The following PPFIA1 variants were observed in gnomAD, a reference collection of about 807,000 sequenced individuals.
The protein encoded by PPFIA1 is PPFI scaffold protein A1, also known as liprin-alpha-1.
Under a neutral mutation model 149.9 loss-of-function variants are expected in PPFIA1, and 25 were observed. The ratio of observed to expected loss-of-function variants is 0.17; its 90% CI spans 0.12 to 0.23. The LOEUF (loss-of-function observed/expected upper bound fraction) is 0.23. Among genes scored for constraint, PPFIA1 ranks in the 10% least tolerant of loss-of-function variants. The pLI is 1.00. For synonymous variants in PPFIA1, 549 were observed against 552.8 expected, an observed-to-expected ratio of 0.99 and a Z score of 0.10; for missense variants, 1,362 against 1,506.5, an observed-to-expected ratio of 0.90 and a Z score of 1.59.
At chr11:70,329,758 A>G (rs554502673) in intron 7 of PPFIA1, 8 of 155,846 alleles carry the variant, frequency 5.1e-5, no homozygotes, top group South Asian at 2.0e-4. Context: ...TAAGACCTCT[A>G]TTTCTACAAA....
intron 2 of PPFIA1, among the ~76,000 whole-genome samples, chr11:70,296,850 A>G (rs2052079611): frequency 6.6e-6 from 1 of 151,972 alleles, no homozygotes; most frequent in African/African-American, 2.4e-5. Context: ...GTGGTGTGAT[A>G]TTGAGGTTGT....
intron 21 of PPFIA1, among the ~76,000 whole-genome samples, chr11:70,369,531 G>GTTAT (rs111747405): frequency 3.3e-5 from 5 of 151,588 alleles, no homozygotes; most frequent in Admixed American, 6.6e-5. Context: ...TAGAATCGTG[G>GTTAT]TTATTTATTT....
intron 2 of PPFIA1, among the ~76,000 whole-genome samples, chr11:70,281,315 C>T (rs181238403): frequency 6.6e-6 from 1 of 152,264 alleles, no homozygotes; most frequent in African/African-American, 2.4e-5. Context: ...CCTGGGTGAC[C>T]AGAGGCTGGG....
intron 15 of PPFIA1, among the ~76,000 whole-genome samples, chr11:70,344,589 G>A (rs894381811): frequency 6.6e-6 from 1 of 152,228 alleles, no homozygotes; most frequent in Non-Finnish European, 1.5e-5. Flanking sequence ...GTGTAGTGAC[G>A]TTTAAAAGTG....
intron 2 of PPFIA1, among the ~76,000 whole-genome samples, chr11:70,294,960 A>G (rs898554131): frequency 2.0e-5 from 3 of 152,034 alleles, no homozygotes; most frequent in African/African-American, 7.3e-5. Flanking sequence ...ACTTCTTTCC[A>G]CACAGACATG....
Position 70,372,340 on chromosome 11 carries a change from G to A in PPFIA1, c.2991G>A (p.Leu997=). The change falls in exon 22 of 28, where the codon TTG becomes TTA. Residue 997 remains leucine, a synonymous_variant. Transcript: ENST00000253925. The stretch of plus-strand genomic sequence containing the variant: ...TAGACGCCAGGATGCTGGACCACTT[G>A]ACCAAGAAAGACCTTCGAGGGCAGC... ...CLVDARMLDH[L]TKKDLRGQLK... is the part of the protein sequence containing the mutation. 6.2e-7 allele frequency: 1 copy of A among 1,614,200 alleles called. No homozygotes were observed. The highest frequency in any genetic ancestry group is 8.5e-7 in the Non-Finnish European group (1 of 1,180,050).
At chr11:70,368,057 G>A (rs2057041735) in intron 21 of PPFIA1, among the ~76,000 whole-genome samples, 1 of 152,146 alleles carries the variant, frequency 6.6e-6, no homozygotes, top group Non-Finnish European at 1.5e-5. Flanking sequence ...AAAATCGCTT[G>A]AGCCCGGAAA....
intron 19 of PPFIA1, among the ~76,000 whole-genome samples, chr11:70,360,906 A>G (rs564618896): frequency 5.3e-4 from 80 of 152,368 alleles, no homozygotes; most frequent in African/African-American, 1.9e-3. Flanking sequence ...TGTCCTCTCC[A>G]TTACAATGAC....
chr11:70,325,350 G>A (rs2054198618), intron 4 of PPFIA1, 150 bp from the exon 5 acceptor site: 2 of 481,824 alleles, frequency 4.2e-6, no homozygotes, highest in South Asian at 4.9e-5. Flanking sequence ...TTTCTTGACA[G>A]TAAGATCAAT....
At chr11:70,304,587 C>G (rs1486042668) in intron 2 of PPFIA1, among the ~76,000 whole-genome samples, 2 of 152,162 alleles carry the variant, frequency 1.3e-5, no homozygotes, top group Non-Finnish European at 2.9e-5. Flanking sequence ...TGATTCATAG[C>G]TGGTTGGTCA....
intron 2 of PPFIA1, among the ~76,000 whole-genome samples, chr11:70,310,365 A>G (rs903474243): frequency 2.0e-5 from 3 of 148,596 alleles, no homozygotes; most frequent in Admixed American, 6.7e-5. Context: ...GGCACAGTGC[A>G]TTTTTATTTC....
intron 2 of PPFIA1, among the ~76,000 whole-genome samples, chr11:70,281,761 G>T (rs2050772645): frequency 6.6e-6 from 1 of 152,184 alleles, no homozygotes; most frequent in Admixed American, 6.5e-5. Context: ...ACTCACCTCA[G>T]TGGGCCTCTC....
chr11:70,311,737 A>G (rs911799734), intron 2 of PPFIA1, among the ~76,000 whole-genome samples: 1 of 151,016 alleles, frequency 6.6e-6, no homozygotes, highest in Non-Finnish European at 1.5e-5. Context: ...CTTTGCACAC[A>G]TTTTGTGGAT....
At chr11:70,306,994 C>T (rs533801069) in intron 2 of PPFIA1, among the ~76,000 whole-genome samples, 1 of 152,258 alleles carries the variant, frequency 6.6e-6, no homozygotes, top group South Asian at 2.1e-4. Flanking sequence ...CAGACATGCA[C>T]CCAGTTGAGT....
chr11:70,354,338 C>T lies in PPFIA1; in HGVS notation c.2201C>T (p.Thr734Ile), dbSNP rs1438182118. Reference sequence around the variant, plus strand: ...AGAGAAGAGGTACGAGATGACAAGACAACCATAAAGTGTGAAACCTCCCCG... The same window carrying T: ...AGAGAAGAGGTACGAGATGACAAGATAACCATAAAGTGTGAAACCTCCCCG... ...PSREEVRDDK[T>I]TIKCETSPPS... Residue 734 changes from threonine to isoleucine, a missense_variant, in exon 17 of 28, where the codon ACA becomes ATA. By Grantham distance (89) the Thr-to-Ile change is moderately conservative. Coordinates refer to ENST00000253925, the MANE Select transcript of PPFIA1 (RefSeq NM_003626.5). 6.2e-7 allele frequency: 1 copy of T among 1,614,090 alleles called. No homozygotes were observed. The highest frequency in any genetic ancestry group is 8.5e-7 in the Non-Finnish European group (1 of 1,179,998).
intron 2 of PPFIA1, among the ~76,000 whole-genome samples, chr11:70,286,876 G>A (rs899701874): frequency 1.3e-5 from 2 of 150,376 alleles, no homozygotes; most frequent in South Asian, 2.1e-4. Context: ...GACTACAGGT[G>A]TGCGCCACTA....
At chr11:70,324,595 C>A in intron 3 of PPFIA1, 92 bp downstream of exon 3, 1 of 1,125,724 alleles carries the variant, frequency 8.9e-7, no homozygotes, top group Non-Finnish European at 1.3e-6. Flanking sequence ...CCCACTCTGT[C>A]TGGCCTGAAA....
intron 21 of PPFIA1, among the ~76,000 whole-genome samples, chr11:70,363,751 T>C (rs1429294829): frequency 6.6e-6 from 1 of 152,092 alleles, no homozygotes; most frequent in Non-Finnish European, 1.5e-5. Context: ...TGGCCTCCAG[T>C]AGTCCTCCTG....
Position 70,325,132 on chromosome 11 carries a change from G to C in PPFIA1, c.531+121G>C, listed in dbSNP as rs545028904. On this transcript the variant is annotated intron_variant, in intron 4 of 27. Coordinates refer to ENST00000253925, the MANE Select transcript of PPFIA1 (RefSeq NM_003626.5). ...GAATTCTTGGAAATAACTTCTCTAA[G>C]AAGACAGGGTTTTGTAGGTTTAAAA... 4 of 987,668 alleles carry C rather than the reference G, an allele frequency of 4.0e-6. No individual in the cohort carries two copies. The African/African-American group carries it at 4.9e-5, about 12-fold the overall frequency. 61.2% of individuals were successfully genotyped at this position (987,668 alleles called of 1,614,324 possible). A position where few individuals can be genotyped will look rare whatever the true frequency, so the allele number is the denominator to read the frequency against.
Sources: gnomAD v4.1 joint callset for allele counts (sites outside exome capture counted in the v4.1 genomes callset) on GRCh38, gnomAD v4.1.1 for gene constraint, MANE v1.5 for transcripts, NCBI Gene and HGNC (gene_info 2026-07-23, HGNC 2026-07-21) for gene names.